Variants in NDUFA13 observed in about 807,000 individuals in gnomAD.
NDUFA13 encodes NADH dehydrogenase [ubiquinone] 1 alpha subcomplex subunit 13.
NDUFA13 carries 16 observed loss-of-function variants against 17.0 expected under a neutral mutation model. The ratio of observed to expected loss-of-function variants is 0.94; its 90% confidence interval spans 0.64 to 1.43. NDUFA13 has a LOEUF of 1.43. NDUFA13 is among the 40% of genes most tolerant of loss of function. The probability of loss-of-function intolerance (pLI) is 0.00; values close to 1 mark genes in which losing one functional copy is unlikely to be tolerated. For missense variants in NDUFA13, 228 were observed against 206.7 expected (o/e 1.10, Z -0.63); for synonymous variants, 87 against 78.4 (o/e 1.11, Z -0.58).
At chr19:19,524,662 C>T (rs1444322859) in intron 1 of NDUFA13, among the ~76,000 whole-genome samples, 1 of 152,114 alleles carries the variant, frequency 6.6e-6, no homozygotes, top group African/African-American at 2.4e-5. Flanking sequence ...AAAAATTAGC[C>T]TGGCGTGGTG....
At chr19:19,524,573 A>G (rs191910663) in intron 1 of NDUFA13, among the ~76,000 whole-genome samples, 182 of 152,216 alleles carry the variant, frequency 1.2e-3, no homozygotes, top group Middle Eastern at 3.4e-3. Context: ...TAATGCCAGC[A>G]CTTGCAGGTG....
chr19:19,521,149 C>T (rs1300369869), intron 1 of NDUFA13, among the ~76,000 whole-genome samples: 1 of 152,192 alleles, frequency 6.6e-6, no homozygotes, highest in East Asian at 1.9e-4. Flanking sequence ...TGTGCTTCCA[C>T]CTGCAATGTA....
chr19:19,527,159 CCTGCCT>C, intron 2 of NDUFA13, 116 bp from the exon 3 acceptor site: 2 of 842,610 alleles, frequency 2.4e-6, no homozygotes, highest in Non-Finnish European at 3.7e-6. Flanking sequence ...CTGCCCCCTG[CCTGCCT>C]CCCCGCCCCC....
Position 19,527,829 on chromosome 19 carries a change from G to T in NDUFA13, c.315+59G>T, listed in dbSNP as rs745396494. The T allele has an allele frequency of 8.5e-6, 13 of 1,523,916 alleles. No homozygotes were observed. In the South Asian group the frequency reaches 1.6e-4, roughly 18 times the overall value. 94.4% of individuals were successfully genotyped at this position (1,523,916 alleles called of 1,614,324 possible). ...CACGGCAGAGACAGGGCCTGGGGTT[G>T]GGGAGCTCCCACAGCTTTCTATAGA... On this transcript the variant is annotated intron_variant, in intron 4 of 4. Coordinates refer to ENST00000507754, the MANE Select transcript of NDUFA13 (RefSeq NM_015965.7).
intron 1 of NDUFA13, among the ~76,000 whole-genome samples, chr19:19,519,770 C>T: frequency 6.6e-6 from 1 of 152,150 alleles, no homozygotes; most frequent in East Asian, 1.9e-4. Context: ...GCCCTGCCTC[C>T]TCTCCCTCTG....
rs781090200 is a variant in NDUFA13 at position 19,516,323 on chromosome 19, G to A, written c.85G>A (p.Gly29Arg). Residue 29 changes from glycine (G) to arginine (R), a missense_variant, in exon 1 of 5, where the codon GGA becomes AGA. Gly to Arg is a moderately radical substitution (Grantham distance 125). Coordinates refer to ENST00000507754, the MANE Select transcript of NDUFA13 (RefSeq NM_015965.7). ...CTACAAACGGAACTTGCCGCGTCGA[G>A]GACTGTCGGGTCAGTATCACTCTGC... ...IDYKRNLPRR[G>R]LSGYSMLAIG... is the part of the protein sequence containing the mutation. The A allele has an allele frequency of 6.2e-7, 1 of 1,613,422 alleles. No homozygotes were observed. The highest frequency in any genetic ancestry group is 2.2e-5 in the East Asian group (1 of 44,890).
chr19:19,527,521 C>T (rs888031408), intron 3 of NDUFA13, 169 bp downstream of exon 3: 28 of 981,624 alleles, frequency 2.9e-5, no homozygotes, highest in African/African-American at 2.4e-4. Flanking sequence ...GGGGGCGAAC[C>T]GGAAGGCTTC....
intron 1 of NDUFA13, among the ~76,000 whole-genome samples, chr19:19,519,633 C>T (rs2061066973): frequency 6.6e-6 from 1 of 152,226 alleles, no homozygotes. Context: ...TGAAGAGATA[C>T]AACACATCAT....
At position 19,516,226 on chromosome 19, in the gene NDUFA13, G is replaced by A. The variant is rs569723556; in HGVS notation, c.-13G>A. 11 of 1,614,122 alleles carry A rather than the reference G, an allele frequency of 6.8e-6. No homozygotes were observed. The African/African-American group carries it at 1.1e-4, about 16-fold the overall frequency. On this transcript the variant is annotated 5_prime_UTR_variant, in exon 1 of 5. Coordinates refer to ENST00000507754, the MANE Select transcript of NDUFA13 (RefSeq NM_015965.7). ...ACTTCCGCCCGGGACCGGAAGTGTG[G>A]GATACTGCGAGTATGGCGGCGTCAA...
At chr19:19,521,540 T>C (rs1440056721) in intron 1 of NDUFA13, among the ~76,000 whole-genome samples, 2 of 152,278 alleles carry the variant, frequency 1.3e-5, no homozygotes, top group Non-Finnish European at 2.9e-5. Context: ...CATTTGTATG[T>C]CTGTCTGTGA....
At chr19:19,519,045 A>ATTTTTTTTTTTTTTTTTTT (rs71170693) in intron 1 of NDUFA13, among the ~76,000 whole-genome samples, 22 of 114,870 alleles carry the variant, frequency 1.9e-4, no homozygotes, top group African/African-American at 7.6e-4. Flanking sequence ...GGCCCGGCCT[A>ATTTTTTTTTTTTTTTTTTT]TTTTTTTTTT....
intron 1 of NDUFA13, among the ~76,000 whole-genome samples, chr19:19,518,397 G>A (rs2144636749): frequency 6.6e-6 from 1 of 151,788 alleles, no homozygotes; most frequent in South Asian, 2.1e-4. Context: ...ACCACATCCG[G>A]CTAATTTTTG....
At chr19:19,519,777 T>C (rs1408247235) in intron 1 of NDUFA13, among the ~76,000 whole-genome samples, 2 of 152,116 alleles carry the variant, frequency 1.3e-5, no homozygotes, top group African/African-American at 4.8e-5. Flanking sequence ...CTCCTCTCCC[T>C]CTGTCCTCCT....
intron 1 of NDUFA13, among the ~76,000 whole-genome samples, chr19:19,519,591 C>T (rs977263567): frequency 6.6e-5 from 10 of 152,322 alleles, no homozygotes; most frequent in African/African-American, 2.2e-4. Context: ...CACATGGTTC[C>T]GGGCCCTGTC....
At chr19:19,527,633 A>G in intron 3 of NDUFA13, 68 bp from the exon 4 acceptor site, 1 of 1,273,854 alleles carries the variant, frequency 7.9e-7, no homozygotes, top group East Asian at 2.5e-5. Flanking sequence ...GGGTGCTACT[A>G]GGGGCCCTAG....
At chr19:19,527,176 CTCCGCCTCTTCCCCCAGCAG>C in intron 2 of NDUFA13, 85 bp from the exon 3 acceptor site, 2 of 1,213,316 alleles carry the variant, frequency 1.6e-6, no homozygotes, top group Non-Finnish European at 2.4e-6. Context: ...CCCCGCCCCC[CTCCGCCTCTTCCCCCAGCAG>C]CACCCTGGCC....
In NDUFA13 at chr19:19,528,168, C is replaced by A. The variant is rs1341320483; in HGVS notation, c.*42C>A. On this transcript the variant is annotated 3_prime_UTR_variant, in exon 5 of 5. Transcript: ENST00000507754. ...CCACCTGGATCCCTGCCCCTCCCCACTGGGACGGAATAAATGCTCTGCAGA... is the reference window on the plus strand; with the variant it reads ...CCACCTGGATCCCTGCCCCTCCCCAATGGGACGGAATAAATGCTCTGCAGA... 8 of 1,608,772 alleles carry A rather than the reference C, an allele frequency of 5.0e-6. No individual in the cohort carries two copies. In the African/African-American group the frequency reaches 6.7e-5, roughly 13 times the overall value.
At chr19:19,520,146 C>T (rs2061070461) in intron 1 of NDUFA13, among the ~76,000 whole-genome samples, 2 of 151,960 alleles carry the variant, frequency 1.3e-5, no homozygotes, top group Non-Finnish European at 2.9e-5. Flanking sequence ...GCCCGGCTGG[C>T]TCAGGCCCCT....
At chr19:19,526,377 G>A (rs1288310356) in intron 2 of NDUFA13, 117 bp downstream of exon 2, 2 of 1,132,966 alleles carry the variant, frequency 1.8e-6, no homozygotes, top group African/African-American at 1.5e-5. Flanking sequence ...GGACTTGGCT[G>A]TGCAATCCCA....
Sources: allele counts gnomAD v4.1 joint callset (sites outside exome capture counted in the v4.1 genomes callset), GRCh38; gene constraint gnomAD v4.1.1; transcripts MANE v1.5; gene names NCBI Gene and HGNC (gene_info 2026-07-23, HGNC 2026-07-21).